Variants in KLHL20 observed in about 807,000 individuals in gnomAD.
KLHL20 encodes kelch-like protein 20.
A neutral mutation model predicts 69.5 loss-of-function variants in KLHL20; 29 were observed. That is an observed-to-expected ratio of 0.42 (90% CI 0.31 to 0.57). The LOEUF is 0.57. Ranked by LOEUF, KLHL20 falls within the 20% of genes least tolerant of loss-of-function variation. The probability of loss-of-function intolerance (pLI) is 0.18; values close to 1 mark genes in which losing one functional copy is unlikely to be tolerated. For missense variants in KLHL20, 419 were observed against 776.0 expected, an observed-to-expected ratio of 0.54 and a Z score of 5.47; for synonymous variants, 253 against 265.2, an observed-to-expected ratio of 0.95 and a Z score of 0.45.
chr1:173,717,399 C>T (rs1286092601), intron 2 of KLHL20, among the ~76,000 whole-genome samples: 1 of 152,184 alleles, frequency 6.6e-6, no homozygotes, highest in Non-Finnish European at 1.5e-5. Flanking sequence ...TGCTGTTAAT[C>T]GTTAAGCTAC....
chr1:173,763,884 A>G (rs1475942154), intron 7 of KLHL20, among the ~76,000 whole-genome samples: 1 of 151,118 alleles, frequency 6.6e-6, no homozygotes, highest in Non-Finnish European at 1.5e-5. Flanking sequence ...AAAAAAAAAC[A>G]GCTGGGACCT....
intron 3 of KLHL20, 43 bp from the exon 4 acceptor site, chr1:173,751,721 G>T: frequency 6.3e-7 from 1 of 1,589,706 alleles, no homozygotes; most frequent in South Asian, 1.1e-5. Context: ...GACAATAAAT[G>T]TGATCACAGG....
intron 2 of KLHL20, among the ~76,000 whole-genome samples, chr1:173,721,471 G>T (rs531693305): frequency 6.6e-6 from 1 of 152,260 alleles, no homozygotes; most frequent in South Asian, 2.1e-4. Context: ...ATATGGGAAG[G>T]GCTGTGTGAC....
At chr1:173,728,389 G>A (rs1161571160) in intron 2 of KLHL20, among the ~76,000 whole-genome samples, 1 of 152,096 alleles carries the variant, frequency 6.6e-6, no homozygotes, top group African/African-American at 2.4e-5. Context: ...TGCACCAAGT[G>A]GACCTAATAG....
At chr1:173,765,890 C>A (rs188933024) in intron 7 of KLHL20, among the ~76,000 whole-genome samples, 4 of 151,952 alleles carry the variant, frequency 2.6e-5, no homozygotes, top group African/African-American at 9.7e-5. Flanking sequence ...TGGGAAGAGA[C>A]AAGAATTCAG....
chr1:173,757,012 T>C lies in KLHL20; in HGVS notation c.1004T>C (p.Val335Ala), dbSNP rs758272009. The C allele has an allele frequency of 1.2e-6, 2 of 1,614,144 alleles. No homozygotes were observed. The highest frequency in any genetic ancestry group is 2.2e-5 in the East Asian group (1 of 44,872). The change falls in exon 7 of 12, where the codon GTT (valine) becomes GCT (alanine). Residue 335 changes from valine (V) to alanine (A), a missense_variant. This residue lies in a region of KLHL20 where 24 missense variants were observed against 22.5 expected (regional missense o/e 1.07). Coordinates refer to ENST00000209884, the MANE Select transcript of KLHL20 (RefSeq NM_014458.4). ...TGCAGTGGAGATGCCATTTCCAGTG[T>C]TGAACGATATGATCCACAGACCAAT... ...GWCSGDAISSVERYDPQTNEW... is the reference protein window; with the variant it reads ...GWCSGDAISSAERYDPQTNEW...
chr1:173,715,156 G>A (rs993800376), intron 1 of KLHL20, 78 bp downstream of exon 1: 1 of 152,414 alleles, frequency 6.6e-6, no homozygotes, highest in Non-Finnish European at 1.5e-5. Flanking sequence ...GTGGTCCCAA[G>A]TTGCTGAGCT....
At chr1:173,735,531 G>A (rs562771995) in intron 3 of KLHL20, among the ~76,000 whole-genome samples, 1 of 151,766 alleles carries the variant, frequency 6.6e-6, no homozygotes, top group Non-Finnish European at 1.5e-5. Flanking sequence ...GACAAAACAT[G>A]GTCTGTTTTA....
intron 6 of KLHL20, 136 bp downstream of exon 6, chr1:173,756,174 T>TGGGTTATGAGTC: frequency 1.6e-6 from 1 of 629,456 alleles, no homozygotes; most frequent in Non-Finnish European, 2.8e-6. Flanking sequence ...GCTTGACTCA[T>TGGGTTATGAGTC]AACCCATGAT....
intron 10 of KLHL20, among the ~76,000 whole-genome samples, chr1:173,776,160 T>G (rs574888586): frequency 3.3e-5 from 5 of 152,326 alleles, no homozygotes; most frequent in Non-Finnish European, 5.9e-5. Context: ...CATTGTAATT[T>G]TCATTTCCAT....
chr1:173,745,761 T>A (rs1268305037), intron 3 of KLHL20, among the ~76,000 whole-genome samples: 1 of 152,210 alleles, frequency 6.6e-6, no homozygotes, highest in Non-Finnish European at 1.5e-5. Flanking sequence ...AATGGAAATA[T>A]TGTACATACT....
intron 3 of KLHL20, among the ~76,000 whole-genome samples, chr1:173,749,703 T>G (rs965289293): frequency 3.9e-5 from 6 of 152,338 alleles, no homozygotes; most frequent in Admixed American, 6.5e-5. Context: ...AGTAGATTAT[T>G]CATAAACTTC....
intron 3 of KLHL20, among the ~76,000 whole-genome samples, chr1:173,738,511 C>G (rs895036420): frequency 9.9e-5 from 15 of 152,222 alleles, no homozygotes; most frequent in African/African-American, 3.4e-4. Context: ...ATTGCTTTGC[C>G]TAGGACTTAA....
chr1:173,741,984 T>TA (rs917127150), intron 3 of KLHL20: 63 of 624,070 alleles, frequency 1.0e-4, no homozygotes, highest in South Asian at 1.9e-4. Context: ...ACATTTTGGA[T>TA]AAAAAAAATT....
intron 3 of KLHL20, among the ~76,000 whole-genome samples, chr1:173,736,019 T>C (rs537511016): frequency 6.9e-6 from 1 of 145,200 alleles, no homozygotes; most frequent in East Asian, 2.1e-4. Context: ...CAATCTCAGC[T>C]CACTGCAACT....
intron 6 of KLHL20, among the ~76,000 whole-genome samples, 185 bp from the exon 7 acceptor site, chr1:173,756,791 T>C (rs1195048395): frequency 6.6e-6 from 1 of 152,202 alleles, no homozygotes; most frequent in Non-Finnish European, 1.5e-5. Context: ...TACTAACTTA[T>C]TTACAGAATT....
At chr1:173,762,336 G>T (rs1222330992) in intron 7 of KLHL20, among the ~76,000 whole-genome samples, 1 of 151,988 alleles carries the variant, frequency 6.6e-6, no homozygotes, top group Non-Finnish European at 1.5e-5. Flanking sequence ...TATTCCACAA[G>T]ATAGGGAAAG....
intron 2 of KLHL20, among the ~76,000 whole-genome samples, chr1:173,716,381 T>A (rs1359699439): frequency 6.6e-6 from 1 of 152,192 alleles, no homozygotes; most frequent in Non-Finnish European, 1.5e-5. Context: ...TTCAGTTCCC[T>A]ATAAAATGTA....
At chr1:173,761,756 T>C (rs1419848170) in intron 7 of KLHL20, among the ~76,000 whole-genome samples, 1 of 152,136 alleles carries the variant, frequency 6.6e-6, no homozygotes, top group Non-Finnish European at 1.5e-5. Flanking sequence ...AGAGGAAAGT[T>C]CATAGCCCTA....
Sources: gnomAD v4.1 joint callset for allele counts (sites outside exome capture counted in the v4.1 genomes callset) on GRCh38, gnomAD v4.1.1 for gene constraint, gnomAD v4.1.1 regional missense constraint, MANE v1.5 for transcripts, NCBI Gene and HGNC (gene_info 2026-07-23, HGNC 2026-07-21) for gene names.